CACNA2D3: variants seen among roughly 807,000 people sequenced by gnomAD.
CACNA2D3 encodes the protein calcium voltage-gated channel auxiliary subunit alpha2delta 3.
In CACNA2D3, 60 loss-of-function variants were observed where a neutral mutation model predicts 160.6. The observed-to-expected ratio is 0.37, with a 90% CI of 0.30 to 0.46. The LOEUF (loss-of-function observed/expected upper bound fraction) is 0.46, where lower values mean the gene tolerates loss of function less well. Ranked by LOEUF, CACNA2D3 falls within the 20% of genes least tolerant of loss-of-function variation. CACNA2D3 has a pLI of 1.00. For synonymous variants in CACNA2D3, 558 were observed against 492.9 expected, an observed-to-expected ratio of 1.13 and a Z score of -1.75; for missense variants, 1,205 against 1,365.0, an observed-to-expected ratio of 0.88 and a Z score of 1.85.
At chr3:54,180,099 C>T (rs1463619283) in intron 2 of CACNA2D3, among the ~76,000 whole-genome samples, 3 of 109,950 alleles carry the variant, frequency 2.7e-5, no homozygotes, top group African/African-American at 9.4e-5. Context: ...TTGTCTTTTG[C>T]CTTTTTTTTT....
intron 2 of CACNA2D3, among the ~76,000 whole-genome samples, chr3:54,309,899 A>C (rs1475260043): frequency 6.6e-6 from 1 of 151,968 alleles, no homozygotes; most frequent in Non-Finnish European, 1.5e-5. Context: ...GTAGGGGCTG[A>C]GCCACTCCCT....
chr3:54,743,809 A>G (rs1479634232), intron 11 of CACNA2D3, among the ~76,000 whole-genome samples: 1 of 152,170 alleles, frequency 6.6e-6, no homozygotes, highest in Non-Finnish European at 1.5e-5. Flanking sequence ...TCTGAGCCAT[A>G]AAAATCCTAG....
chr3:54,284,481 A>G (rs1258682212), intron 2 of CACNA2D3, among the ~76,000 whole-genome samples: 1 of 152,078 alleles, frequency 6.6e-6, no homozygotes, highest in African/African-American at 2.4e-5. Flanking sequence ...GGTGAAGGGT[A>G]TATGGGAACT....
intron 13 of CACNA2D3, among the ~76,000 whole-genome samples, chr3:54,803,787 G>A (rs918548673): frequency 6.6e-6 from 1 of 152,176 alleles, no homozygotes; most frequent in African/African-American, 2.4e-5. Flanking sequence ...AGGAAAAAAT[G>A]TTAAGGGCAG....
At position 54,869,849 on chromosome 3, in the gene CACNA2D3, T is replaced by G. The variant is rs1250199108; in HGVS notation, c.1627-1690T>G. Among the ~76,000 whole-genome samples, 6 of 152,204 alleles carry G rather than the reference T, an allele frequency of 3.9e-5. No homozygotes were observed. In the East Asian group the frequency reaches 9.6e-4, roughly 24 times the overall value. On this transcript the variant is annotated intron_variant, in intron 17 of 37. Transcript: ENST00000474759. ...AGGGCTTCCATGCACACAGGAACTT[T>G]CCTTAACAAGATCCAACTGCTAATC...
At chr3:54,379,105 G>T (rs1446150707) in intron 3 of CACNA2D3, among the ~76,000 whole-genome samples, 1 of 152,198 alleles carries the variant, frequency 6.6e-6, no homozygotes, top group African/African-American at 2.4e-5. Flanking sequence ...AGTGAAGGAA[G>T]GGAAGAAAGC....
intron 11 of CACNA2D3, among the ~76,000 whole-genome samples, chr3:54,717,688 G>A (rs1250634260): frequency 2.1e-5 from 3 of 145,466 alleles, no homozygotes; most frequent in East Asian, 2.1e-4. Flanking sequence ...TGTGGTGTGT[G>A]CGTGCGTGTG....
At chr3:54,657,807 T>C (rs779200455) in intron 11 of CACNA2D3, among the ~76,000 whole-genome samples, 9 of 152,066 alleles carry the variant, frequency 5.9e-5, no homozygotes, top group Non-Finnish European at 1.0e-4. Context: ...GGCAGGTGGA[T>C]CATTTGAGGT....
intron 2 of CACNA2D3, among the ~76,000 whole-genome samples, chr3:54,192,351 G>A (rs964121504): frequency 6.6e-6 from 1 of 152,144 alleles, no homozygotes; most frequent in African/African-American, 2.4e-5. Context: ...TGCAAACAGG[G>A]CATTGATATT....
intron 3 of CACNA2D3, among the ~76,000 whole-genome samples, chr3:54,346,305 A>G (rs1698457396): frequency 6.6e-6 from 1 of 152,210 alleles, no homozygotes; most frequent in African/African-American, 2.4e-5. Context: ...ACCAGGGAGC[A>G]CAGCTGTGTG....
intron 35 of CACNA2D3, among the ~76,000 whole-genome samples, chr3:55,051,706 C>G (rs948118823): frequency 1.1e-4 from 17 of 152,268 alleles, no homozygotes; most frequent in African/African-American, 2.9e-4. Context: ...CCCCCAGCCT[C>G]GCTGCCGCCT....
Position 54,749,092 on chromosome 3 carries a change from A to G in CACNA2D3, c.1168-3507A>G, listed in dbSNP as rs191593813. Among the ~76,000 whole-genome samples the G allele has an allele frequency of 1.6e-4, 24 of 152,336 alleles. No homozygotes were observed. The East Asian group carries it at 3.9e-3, about 24-fold the overall frequency. ...GAATTGTTCAGGAAGTAGCAATGTC[A>G]TTACTTTCTTTTCACTTAAAATGAT... On this transcript the variant is annotated intron_variant, in intron 11 of 37. Transcript: ENST00000474759.
intron 13 of CACNA2D3, among the ~76,000 whole-genome samples, chr3:54,803,696 TACAG>T (rs1395270417): frequency 6.6e-6 from 1 of 151,976 alleles, no homozygotes; most frequent in African/African-American, 2.4e-5. Context: ...ATTCAGGAAA[TACAG>T]AGAACGCCAC....
chr3:55,037,389 T>TC (rs1191952547), intron 35 of CACNA2D3, among the ~76,000 whole-genome samples: 3 of 152,182 alleles, frequency 2.0e-5, no homozygotes, highest in Non-Finnish European at 4.4e-5. Flanking sequence ...GGATGAGTAA[T>TC]CATACTTGAG....
intron 10 of CACNA2D3, among the ~76,000 whole-genome samples, chr3:54,641,561 C>G (rs760725352): frequency 6.6e-6 from 1 of 152,122 alleles, no homozygotes; most frequent in East Asian, 1.9e-4. Context: ...AATTCTCTAG[C>G]GAATGCAAAT....
At chr3:54,778,000 G>C (rs1702455868) in intron 13 of CACNA2D3, among the ~76,000 whole-genome samples, 1 of 152,124 alleles carries the variant, frequency 6.6e-6, no homozygotes, top group African/African-American at 2.4e-5. Flanking sequence ...GATCACCACG[G>C]GCTTAAAACC....
intron 4 of CACNA2D3, among the ~76,000 whole-genome samples, chr3:54,390,595 A>G (rs553749358): frequency 1.1e-4 from 17 of 152,350 alleles, no homozygotes; most frequent in East Asian, 5.8e-4. Flanking sequence ...GAACTCCTCT[A>G]TGGGTCAAAG....
intron 16 of CACNA2D3, among the ~76,000 whole-genome samples, chr3:54,839,672 G>T (rs183413159): frequency 6.6e-6 from 1 of 152,110 alleles, no homozygotes; most frequent in African/African-American, 2.4e-5. Context: ...TTCTTTCTTG[G>T]CACCACCCTC....
chr3:54,356,243 A>T (rs369275054), intron 3 of CACNA2D3, among the ~76,000 whole-genome samples: 2 of 152,288 alleles, frequency 1.3e-5, no homozygotes, highest in South Asian at 2.1e-4. Context: ...AGTTGAGCTT[A>T]TGGGGTGGTG....
Sources: gnomAD v4.1 joint callset for allele counts (sites outside exome capture counted in the v4.1 genomes callset) on GRCh38, gnomAD v4.1.1 for gene constraint, MANE v1.5 for transcripts, NCBI Gene and HGNC (gene_info 2026-07-23, HGNC 2026-07-21) for gene names.